Variants in TMEM184B observed in about 807,000 individuals in gnomAD.
TMEM184B encodes transmembrane protein 184B.
Under a neutral mutation model 41.8 loss-of-function variants are expected in TMEM184B, and 17 were observed. The observed-to-expected ratio is 0.41, with a 90% CI of 0.28 to 0.61. The LOEUF is 0.61. Ranked by LOEUF, TMEM184B falls within the 20% of genes least tolerant of loss-of-function variation. The pLI, the probability that TMEM184B is intolerant of heterozygous loss-of-function variation, is 0.34. For missense variants in TMEM184B, 393 were observed against 557.8 expected (o/e 0.70, Z 2.98); for synonymous variants, 240 against 229.5 (o/e 1.05, Z -0.41).
chr22:38,239,878 C>G lies in TMEM184B; in HGVS notation c.358+6057G>C, dbSNP rs897180366. On this transcript the variant is annotated intron_variant, in intron 3 of 8. Coordinates refer to ENST00000361906, the MANE Select transcript of TMEM184B (RefSeq NM_012264.5). The surrounding 1 kb of genome is among the most constrained non-coding windows in gnomAD (Gnocchi z 4.6). ...AAGGCTTCATTTGGTACCTGCCCCC[C>G]ATGCTGCATACAAACAGCCAAGGAA... Among the ~76,000 whole-genome samples, 11 of 152,126 alleles carry G rather than the reference C, an allele frequency of 7.2e-5. No homozygotes were observed. Among genetic ancestry groups the G allele is most frequent in the African/African-American group, 2.2e-4 (9 of 41,412 alleles).
At chr22:38,248,258 T>G (rs1205565816) in intron 1 of TMEM184B, among the ~76,000 whole-genome samples, 1 of 152,132 alleles carries the variant, frequency 6.6e-6, no homozygotes, top group Non-Finnish European at 1.5e-5. Context: ...TTCCAAGGAT[T>G]AGCCAGACCA....
chr22:38,223,130 G>A (rs1049939443), intron 8 of TMEM184B: 7 of 152,496 alleles, frequency 4.6e-5, no homozygotes, highest in African/African-American at 1.7e-4. Flanking sequence ...TGAGGGCTGA[G>A]GGTCTGGGCC....
chr22:38,270,920 C>T (rs2092512520), intron 1 of TMEM184B, among the ~76,000 whole-genome samples: 1 of 152,166 alleles, frequency 6.6e-6, no homozygotes, highest in Non-Finnish European at 1.5e-5. Context: ...CAAACAGCCT[C>T]CGGACAGAAG....
In TMEM184B at chr22:38,219,463, C is replaced by G; in HGVS notation, c.*2006G>C. On this transcript the variant is annotated 3_prime_UTR_variant, in exon 9 of 9. Coordinates refer to ENST00000361906, the MANE Select transcript of TMEM184B (RefSeq NM_012264.5). ...AACTAGGAGACTCTGTCTTCTCATA[C>G]ATCATACAATTAATTTTTCAAGTAT... The G allele has an allele frequency of 1.0e-6, 1 of 985,572 alleles. No individual in the cohort carries two copies. The highest frequency in any genetic ancestry group is 4.7e-5 in the South Asian group (1 of 21,276). 61.1% of individuals were successfully genotyped at this position (985,572 alleles called of 1,614,324 possible).
chr22:38,254,329 G>A (rs1291557851), intron 1 of TMEM184B, among the ~76,000 whole-genome samples: 1 of 152,152 alleles, frequency 6.6e-6, no homozygotes, highest in Non-Finnish European at 1.5e-5. Flanking sequence ...ACATGGCGCA[G>A]TGGCTCATGC....
At chr22:38,248,074 G>GA in intron 1 of TMEM184B, 55 bp from the exon 2 acceptor site, 1 of 1,462,272 alleles carries the variant, frequency 6.8e-7, no homozygotes, top group Non-Finnish European at 9.0e-7. Context: ...GGCAGCATTG[G>GA]AAAGAATCTT....
At chr22:38,268,589 T>C (rs1034274370) in intron 1 of TMEM184B, among the ~76,000 whole-genome samples, 4 of 152,148 alleles carry the variant, frequency 2.6e-5, no homozygotes, top group African/African-American at 9.7e-5. Context: ...GGAGATGGCA[T>C]TCAGCAAACA....
At position 38,230,597 on chromosome 22, in the gene TMEM184B, G is replaced by A. The variant is rs533310294; in HGVS notation, c.525+72C>T. ...AGGGGACCTCTAAGGTGGGGCCCAG[G>A]GCAGCCCACGGCAGGGCCTCCCAGA... is the stretch of plus-strand genomic sequence containing the variant. On this transcript the variant is annotated intron_variant, in intron 5 of 8. Transcript: ENST00000361906. 62 of 1,506,870 alleles carry A rather than the reference G, an allele frequency of 4.1e-5. No individual in the cohort carries two copies. The South Asian group carries it at 6.5e-4, about 16-fold the overall frequency. The allele number at this position is 1,506,870 out of a possible 1,614,324, so 93.3% of individuals were successfully genotyped here.
chr22:38,268,959 C>T (rs1209716786), intron 1 of TMEM184B, among the ~76,000 whole-genome samples: 3 of 152,252 alleles, frequency 2.0e-5, no homozygotes, highest in Admixed American at 6.5e-5. Context: ...TGCCAGGTAC[C>T]GTGCTGAGCT....
At chr22:38,244,986 A>G (rs963207639) in intron 3 of TMEM184B, among the ~76,000 whole-genome samples, 1 of 152,170 alleles carries the variant, frequency 6.6e-6, no homozygotes, top group Non-Finnish European at 1.5e-5. Flanking sequence ...TTGGCAACCC[A>G]GCTCCTGGCC....
At chr22:38,229,141 G>C (rs548301902) in intron 5 of TMEM184B, among the ~76,000 whole-genome samples, 1 of 152,268 alleles carries the variant, frequency 6.6e-6, no homozygotes, top group Non-Finnish European at 1.5e-5. Context: ...GCACAGAAGG[G>C]AGCAGCAGGC....
intron 1 of TMEM184B, among the ~76,000 whole-genome samples, chr22:38,252,647 G>C (rs1326545024): frequency 6.6e-6 from 1 of 152,164 alleles, no homozygotes. Context: ...GGCAGGCTGG[G>C]GAGGGGGTCA....
chr22:38,249,969 C>T (rs1451313875), intron 1 of TMEM184B, among the ~76,000 whole-genome samples: 1 of 152,358 alleles, frequency 6.6e-6, no homozygotes, highest in East Asian at 1.9e-4. Context: ...CTGGCTGGAG[C>T]GTGAGCACCA....
At chr22:38,257,180 C>T (rs561280162) in intron 1 of TMEM184B, among the ~76,000 whole-genome samples, 5 of 151,976 alleles carry the variant, frequency 3.3e-5, no homozygotes, top group Admixed American at 2.6e-4. Flanking sequence ...AAAAAATCCT[C>T]TCATAGCTGA....
intron 3 of TMEM184B, among the ~76,000 whole-genome samples, chr22:38,240,805 G>A (rs1185250668): frequency 2.0e-5 from 3 of 146,908 alleles, no homozygotes; most frequent in African/African-American, 5.0e-5. Context: ...AAATACAGCA[G>A]ACTTTCCAGA....
intron 8 of TMEM184B, chr22:38,221,997 C>A (rs1239678203): frequency 1.4e-5 from 7 of 490,112 alleles, no homozygotes; most frequent in African/African-American, 3.9e-5. Flanking sequence ...AGGGTGGAGA[C>A]TGGCAAGCTA....
intron 1 of TMEM184B, 51 bp from the exon 2 acceptor site, chr22:38,248,070 A>T: frequency 6.8e-7 from 1 of 1,462,874 alleles, no homozygotes; most frequent in Non-Finnish European, 9.0e-7. Context: ...AAGTGGCAGC[A>T]TTGGAAAGAA....
intron 3 of TMEM184B, among the ~76,000 whole-genome samples, chr22:38,243,620 A>C (rs1354633590): frequency 6.6e-6 from 1 of 152,066 alleles, no homozygotes; most frequent in East Asian, 1.9e-4. Context: ...AATATCAGAC[A>C]CCAGAGCCCC....
At position 38,220,714 on chromosome 22, in the gene TMEM184B, C is replaced by T. The variant is rs532758217; in HGVS notation, c.*755G>A. ...CTATCGAGGAAGGACCCAAGTGAGC[C>T]GGCAGTGCGGGCTGTGGGCTGTCCT... On this transcript the variant is annotated 3_prime_UTR_variant, in exon 9 of 9. Coordinates refer to ENST00000361906, the MANE Select transcript of TMEM184B (RefSeq NM_012264.5). 1.8e-4 allele frequency: 177 copies of T among 986,260 alleles called. No individual in the cohort carries two copies. The highest frequency in any genetic ancestry group is 8.6e-4 in the Admixed American group (14 of 16,290). 61.1% of individuals were successfully genotyped at this position (986,260 alleles called of 1,614,324 possible).
Sources: gnomAD v4.1 joint callset for allele counts (sites outside exome capture counted in the v4.1 genomes callset) on GRCh38, gnomAD v4.1.1 for gene constraint, Gnocchi (gnomAD v3.1) non-coding constraint, MANE v1.5 for transcripts, NCBI Gene and HGNC (gene_info 2026-07-23, HGNC 2026-07-21) for gene names.